Variants in MARCHF1 observed in about 807,000 individuals in gnomAD.
MARCHF1 encodes the protein membrane associated ring-CH-type finger 1.
MARCHF1 carries 40 observed loss-of-function variants against 54.2 expected under a neutral mutation model. The ratio of observed to expected loss-of-function variants is 0.74; its 90% confidence interval spans 0.57 to 0.96. The LOEUF is 0.96. MARCHF1 is among the 40% of genes least tolerant of loss of function. MARCHF1 has a pLI of 0.00. For synonymous variants in MARCHF1, 236 were observed against 236.3 expected, an observed-to-expected ratio of 1.00 and a Z score of 0.01; for missense variants, 586 against 656.5, an observed-to-expected ratio of 0.89 and a Z score of 1.17.
At chr4:163,695,948 G>A (rs1350782142) in intron 5 of MARCHF1, among the ~76,000 whole-genome samples, 1 of 151,962 alleles carries the variant, frequency 6.6e-6, no homozygotes, top group Non-Finnish European at 1.5e-5. Flanking sequence ...CTTAAGTGAT[G>A]GATAATTGAA....
intron 3 of MARCHF1, among the ~76,000 whole-genome samples, chr4:163,919,516 C>G (rs1051224260): frequency 6.6e-6 from 1 of 151,794 alleles, no homozygotes; most frequent in Non-Finnish European, 1.5e-5. Context: ...TTTTCTTTCT[C>G]TCTATATTAC....
chr4:164,274,349 C>A (rs1294061412), intron 1 of MARCHF1, among the ~76,000 whole-genome samples: 8 of 152,128 alleles, frequency 5.3e-5, no homozygotes, highest in African/African-American at 1.9e-4. Flanking sequence ...ATATCTATAT[C>A]AAAAATGGCT....
chr4:164,123,793 T>C (rs1045159638), intron 1 of MARCHF1, among the ~76,000 whole-genome samples: 2 of 151,866 alleles, frequency 1.3e-5, no homozygotes, highest in Admixed American at 6.6e-5. Flanking sequence ...TATATAAAAA[T>C]CAAATCATAG....
chr4:163,816,519 C>G (rs190871826), intron 4 of MARCHF1, among the ~76,000 whole-genome samples: 23 of 151,786 alleles, frequency 1.5e-4, no homozygotes, highest in African/African-American at 5.5e-4. Flanking sequence ...ATTAGGAATA[C>G]TATTTTATAA....
chr4:163,912,417 T>C (rs758253284), intron 3 of MARCHF1, among the ~76,000 whole-genome samples: 2 of 152,178 alleles, frequency 1.3e-5, no homozygotes, highest in African/African-American at 2.4e-5. Flanking sequence ...CACAGATTTA[T>C]TCAGAGCACT....
At chr4:163,944,508 C>T (rs972726502) in intron 3 of MARCHF1, among the ~76,000 whole-genome samples, 2 of 152,182 alleles carry the variant, frequency 1.3e-5, no homozygotes, top group Admixed American at 1.3e-4. Flanking sequence ...TGATGTGCCA[C>T]ATTCTTCCTT....
At chr4:163,662,859 C>A (rs1743392565) in intron 5 of MARCHF1, among the ~76,000 whole-genome samples, 1 of 151,926 alleles carries the variant, frequency 6.6e-6, no homozygotes, top group African/African-American at 2.4e-5. Flanking sequence ...CATTCCGAGG[C>A]AAATATGGGA....
intron 1 of MARCHF1, among the ~76,000 whole-genome samples, chr4:164,179,558 T>C (rs183834189): frequency 2.7e-4 from 41 of 152,282 alleles, no homozygotes; most frequent in Admixed American, 2.6e-3. Flanking sequence ...TGTCAGTTGA[T>C]GTAATAAACC....
At chr4:164,212,877 C>G (rs1377237898) in intron 1 of MARCHF1, among the ~76,000 whole-genome samples, 1 of 152,138 alleles carries the variant, frequency 6.6e-6, no homozygotes, top group Non-Finnish European at 1.5e-5. Context: ...AATCATCCAA[C>G]CAATATGTTA....
chr4:164,101,190 G>T (rs1031706484), intron 2 of MARCHF1, among the ~76,000 whole-genome samples: 5 of 152,198 alleles, frequency 3.3e-5, no homozygotes, highest in African/African-American at 1.2e-4. Context: ...CGGGGGAGGG[G>T]CACCCGCCAT....
rs10020869 is a variant in MARCHF1, at chr4:164,100,473, A to T, written c.-248+11115T>A. On this transcript the variant is annotated intron_variant, in intron 2 of 9. Coordinates refer to ENST00000514618, the MANE Select transcript of MARCHF1 (RefSeq NM_001394959.1). ...TTTAATCCTGCACACAGGTACTTCC[A>T]ACTTCTGGTGATAAGTAGAATTGCC... 4.9e-3 allele frequency among the ~76,000 whole-genome samples: 751 copies of T among 152,324 alleles called. 8 individuals carry two copies. Among genetic ancestry groups the T allele is most frequent in the African/African-American group, 0.017 (715 of 41,566 alleles).
At chr4:164,175,445 A>C (rs957180106) in intron 1 of MARCHF1, among the ~76,000 whole-genome samples, 3 of 152,188 alleles carry the variant, frequency 2.0e-5, no homozygotes, top group African/African-American at 7.2e-5. Flanking sequence ...TATAATTTCT[A>C]TATAAAATTA....
chr4:164,027,392 A>AAAAAAAAAAAAAAAAAAAT lies in MARCHF1; in HGVS notation c.-247-38684_-247-38683insATTTTTTTTTTTTTTTTTT, dbSNP rs1553971149. On this transcript the variant is annotated intron_variant, in intron 2 of 9. Coordinates refer to ENST00000514618, the MANE Select transcript of MARCHF1 (RefSeq NM_001394959.1). The stretch of plus-strand genomic sequence containing the variant: ...AAAAAAAAAAAAAAAAAAAAAAAAA[A>AAAAAAAAAAAAAAAAAAAT]AGATACATAGATAAATGGATCTATA... Among the ~76,000 whole-genome samples, 114 of 59,010 alleles carry AAAAAAAAAAAAAAAAAAAT rather than the reference A, an allele frequency of 1.9e-3. 36 individuals carry two copies. The highest frequency in any genetic ancestry group is 3.0e-3 in the Admixed American group (11 of 3,690). The allele number at this position is 59,010 out of a possible 152,430, so 38.7% of individuals were successfully genotyped here. A position where few individuals can be genotyped will look rare whatever the true frequency, so the allele number is the denominator to read the frequency against.
intron 4 of MARCHF1, among the ~76,000 whole-genome samples, chr4:163,805,179 T>C (rs1748190315): frequency 6.6e-6 from 1 of 152,170 alleles, no homozygotes; most frequent in Admixed American, 6.5e-5. Flanking sequence ...AATTATTTTC[T>C]AAAATTAAGA....
chr4:163,762,150 C>G (rs1306121420), intron 4 of MARCHF1, among the ~76,000 whole-genome samples: 4 of 152,158 alleles, frequency 2.6e-5, no homozygotes, highest in African/African-American at 9.7e-5. Context: ...AGTAAAGCCT[C>G]TCTTCCTTAA....
chr4:163,965,795 G>A (rs1752432099), intron 3 of MARCHF1, among the ~76,000 whole-genome samples: 1 of 152,022 alleles, frequency 6.6e-6, no homozygotes, highest in South Asian at 2.1e-4. Flanking sequence ...AGCACATAAT[G>A]TGCATGCTTT....
rs559080204 is a variant in MARCHF1 at position 164,080,650 on chromosome 4, G to A, written c.-248+30938C>T. Among the ~76,000 whole-genome samples, 16 of 148,634 alleles carry A rather than the reference G, an allele frequency of 1.1e-4. 1 individual carries two copies. Among genetic ancestry groups the A allele is most frequent in the Admixed American group, 8.7e-4 (13 of 14,956 alleles). Reference sequence around the variant, plus strand: ...CAAAGAAATCTAATAGTATTCTATTGTGTGTGTGTGTGTGTGTGTGTATAT... The same window carrying A: ...CAAAGAAATCTAATAGTATTCTATTATGTGTGTGTGTGTGTGTGTGTATAT... On this transcript the variant is annotated intron_variant, in intron 2 of 9. Transcript: ENST00000514618.
At chr4:163,630,567 A>G (rs75010761) in intron 5 of MARCHF1, among the ~76,000 whole-genome samples, 14,270 of 152,214 alleles carry the variant, frequency 0.094, 1,104 homozygotes, top group East Asian at 0.37. Flanking sequence ...TGTCCTATCC[A>G]TTCTACTTAA....
chr4:163,528,909 A>C lies in MARCHF1; in HGVS notation c.1477T>G (p.Phe493Val). The change falls in exon 10 of 10, where the codon TTT becomes GTT. Residue 493 changes from phenylalanine (F) to valine (V), a missense_variant. Physicochemically the swap from Phe to Val is conservative, Grantham distance 50. Transcript: ENST00000514618. ...RRLKAYNRVI[F>V]VQNCPDTAKK... is the part of the protein sequence containing the mutation. ...GCAGTGTCTGGGCAATTTTGTACAA[A>C]GATCACACGGTTGTAGGCCTTCAGC... is the stretch of plus-strand genomic sequence containing the variant. 1 of 1,613,418 alleles carries C rather than the reference A, an allele frequency of 6.2e-7. No individual in the cohort carries two copies.
Sources: allele counts gnomAD v4.1 joint callset (sites outside exome capture counted in the v4.1 genomes callset), GRCh38; gene constraint gnomAD v4.1.1; transcripts MANE v1.5; gene names NCBI Gene and HGNC (gene_info 2026-07-23, HGNC 2026-07-21).